UNC5D: variants seen among roughly 807,000 people sequenced by gnomAD.
The protein encoded by UNC5D is unc-5 netrin receptor D.
UNC5D carries 39 observed loss-of-function variants against 105.4 expected under a neutral mutation model. The ratio of observed to expected loss-of-function variants is 0.37; its 90% CI spans 0.29 to 0.48. UNC5D has a LOEUF of 0.48. Ranked by LOEUF, UNC5D falls within the 20% of genes least tolerant of loss-of-function variation. UNC5D has a pLI of 0.98. For missense variants in UNC5D, 991 were observed against 1,202.4 expected (o/e 0.82, Z 2.60); for synonymous variants, 452 against 450.4 (o/e 1.00, Z -0.04).
rs113907449 is a variant in UNC5D, at chr8:35,404,591, A to AT, written c.104-144690dup. 7.2e-3 allele frequency among the ~76,000 whole-genome samples: 1,065 copies of AT among 148,262 alleles called. 15 individuals are homozygous for AT. The highest frequency in any genetic ancestry group is 0.025 in the African/African-American group (1,006 of 40,652). On this transcript the variant is annotated intron_variant, in intron 1 of 16. Coordinates refer to ENST00000404895, the MANE Select transcript of UNC5D (RefSeq NM_080872.4). ...CCACTTCAACAAGATTTCCCATGTG[A>AT]TTTTTTTTTTTCTTGAGACGGAGTC...
At chr8:35,416,840 G>C (rs1805563049) in intron 1 of UNC5D, among the ~76,000 whole-genome samples, 1 of 152,176 alleles carries the variant, frequency 6.6e-6, no homozygotes, top group Non-Finnish European at 1.5e-5. Context: ...TAGCACCCAT[G>C]ATTCAACAGC....
intron 8 of UNC5D, among the ~76,000 whole-genome samples, chr8:35,713,448 A>T (rs1422337057): frequency 1.3e-5 from 2 of 152,168 alleles, no homozygotes; most frequent in Non-Finnish European, 2.9e-5. Flanking sequence ...TGATTGGCAA[A>T]AGCATAGTTC....
intron 1 of UNC5D, among the ~76,000 whole-genome samples, chr8:35,353,126 G>A (rs1321627094): frequency 3.3e-5 from 5 of 152,136 alleles, no homozygotes; most frequent in Non-Finnish European, 7.4e-5. Flanking sequence ...AAAGACCAAC[G>A]GAACTTAGGA....
At chr8:35,249,748 A>G (rs1209142408) in intron 1 of UNC5D, among the ~76,000 whole-genome samples, 1 of 152,052 alleles carries the variant, frequency 6.6e-6, no homozygotes, top group Non-Finnish European at 1.5e-5. Flanking sequence ...CTCTATTATG[A>G]TGATTCATGT....
At chr8:35,486,731 A>G (rs1157653590) in intron 1 of UNC5D, among the ~76,000 whole-genome samples, 3 of 152,192 alleles carry the variant, frequency 2.0e-5, no homozygotes, top group Admixed American at 6.6e-5. Context: ...TGGATTAGGT[A>G]TCATTATTGC....
chr8:35,278,412 T>C (rs2128845824), intron 1 of UNC5D, among the ~76,000 whole-genome samples: 2 of 152,226 alleles, frequency 1.3e-5, no homozygotes, highest in South Asian at 4.1e-4. Context: ...AGCAAAAAAA[T>C]CCTTGTTCTT....
intron 4 of UNC5D, among the ~76,000 whole-genome samples, chr8:35,669,196 G>A (rs141416362): frequency 2.8e-4 from 42 of 152,212 alleles, no homozygotes; most frequent in Non-Finnish European, 4.4e-4. Flanking sequence ...TGCCTTATGT[G>A]CATTTCAAAC....
chr8:35,428,763 G>A (rs1053689515), intron 1 of UNC5D, among the ~76,000 whole-genome samples: 2 of 152,000 alleles, frequency 1.3e-5, no homozygotes, highest in African/African-American at 4.8e-5. Flanking sequence ...CAAACCAAAA[G>A]AAAATAAGTC....
At chr8:35,651,095 G>A (rs1318791324) in intron 4 of UNC5D, among the ~76,000 whole-genome samples, 1 of 152,106 alleles carries the variant, frequency 6.6e-6, no homozygotes, top group Non-Finnish European at 1.5e-5. Flanking sequence ...AGTTGGTGTT[G>A]TTTAAAGGAA....
At chr8:35,593,675 T>C (rs1819315231) in intron 3 of UNC5D, among the ~76,000 whole-genome samples, 1 of 152,072 alleles carries the variant, frequency 6.6e-6, no homozygotes, top group Non-Finnish European at 1.5e-5. Context: ...GGTGGGAGGA[T>C]AGCTTGAGCC....
At position 35,741,583 on chromosome 8, in the gene UNC5D, AAT is replaced by A. The variant is rs1829765897; in HGVS notation, c.1767-6942_1767-6941del. Among the ~76,000 whole-genome samples the A allele has an allele frequency of 2.0e-5, 3 of 152,174 alleles. No homozygotes were observed. In the South Asian group the frequency reaches 6.2e-4, roughly 32 times the overall value. ...CCCCAACCTGAAATCCTTGCCTATT[AAT>A]ACACATGTTACTCAGAGAAACAGGA... On this transcript the variant is annotated intron_variant, in intron 11 of 16. Transcript: ENST00000404895.
intron 7 of UNC5D, among the ~76,000 whole-genome samples, chr8:35,697,444 G>C (rs946239274): frequency 6.6e-6 from 1 of 150,990 alleles, no homozygotes; most frequent in Non-Finnish European, 1.5e-5. Flanking sequence ...AAGGTGACTT[G>C]GGCATCTTTT....
chr8:35,363,213 AG>A (rs1304009241), intron 1 of UNC5D, among the ~76,000 whole-genome samples: 1 of 152,194 alleles, frequency 6.6e-6, no homozygotes, highest in African/African-American at 2.4e-5. Context: ...TTGGACTTAC[AG>A]TTCCATGTGT....
chr8:35,273,537 T>C (rs1482860350), intron 1 of UNC5D, among the ~76,000 whole-genome samples: 4 of 152,210 alleles, frequency 2.6e-5, no homozygotes, highest in Admixed American at 2.6e-4. Context: ...CAATCTGAAT[T>C]GTGGTGGGAA....
chr8:35,705,866 A>G (rs765835027), intron 7 of UNC5D, 63 bp from the exon 8 acceptor site: 16 of 1,061,072 alleles, frequency 1.5e-5, no homozygotes, highest in Non-Finnish European at 1.8e-5. Flanking sequence ...GAAACAGGAA[A>G]TATATCTGCT....
rs534792330 is a variant in UNC5D at position 35,392,828 on chromosome 8, T to C, written c.104-156464T>C. On this transcript the variant is annotated intron_variant, in intron 1 of 16. Transcript: ENST00000404895. ...GAAGAACCTTGTTCATTGCAGCCTT[T>C]GGCCACTAGAATGGCTATCTCATGG... 4.4e-4 allele frequency among the ~76,000 whole-genome samples: 67 copies of C among 152,300 alleles called. 1 individual carries two copies. Among genetic ancestry groups the C allele is most frequent in the African/African-American group, 1.5e-3 (61 of 41,572 alleles).
chr8:35,764,457 A>C (rs1297987990), intron 14 of UNC5D, among the ~76,000 whole-genome samples: 1 of 152,176 alleles, frequency 6.6e-6, no homozygotes, highest in African/African-American at 2.4e-5. Context: ...AAAGTGGAAC[A>C]AAGCTCAGGA....
At chr8:35,637,035 CA>C (rs1822423270) in intron 4 of UNC5D, among the ~76,000 whole-genome samples, 1 of 152,088 alleles carries the variant, frequency 6.6e-6, no homozygotes, top group Admixed American at 6.6e-5. Context: ...GAAATGTTTG[CA>C]AAATAAAAAG....
intron 1 of UNC5D, among the ~76,000 whole-genome samples, chr8:35,506,945 T>C (rs1271824132): frequency 6.6e-6 from 1 of 152,158 alleles, no homozygotes; most frequent in African/African-American, 2.4e-5. Context: ...ATTTATTTCA[T>C]AATTTTCTGG....
Sources: allele counts gnomAD v4.1 joint callset (sites outside exome capture counted in the v4.1 genomes callset), GRCh38; gene constraint gnomAD v4.1.1; transcripts MANE v1.5; gene names NCBI Gene and HGNC (gene_info 2026-07-23, HGNC 2026-07-21).